RALGAPA2: variants seen among roughly 807,000 people sequenced by gnomAD.
RALGAPA2 encodes the protein Ral GTPase activating protein catalytic subunit alpha 2.
Under a neutral mutation model 230.4 loss-of-function variants are expected in RALGAPA2, and 139 were observed. The observed-to-expected ratio is 0.60, with a 90% CI of 0.53 to 0.69. The LOEUF (loss-of-function observed/expected upper bound fraction) is 0.69. Ranked by LOEUF, RALGAPA2 falls within the 30% of genes least tolerant of loss-of-function variation. The pLI is 0.00. For synonymous variants in RALGAPA2, 847 were observed against 837.8 expected (o/e 1.01, Z -0.19); for missense variants, 2,163 against 2,276.0 (o/e 0.95, Z 1.01).
chr20:20,400,778 G>A (rs2059816356), intron 38 of RALGAPA2, among the ~76,000 whole-genome samples: 1 of 152,198 alleles, frequency 6.6e-6, no homozygotes, highest in Non-Finnish European at 1.5e-5. Context: ...AGTGGAAACA[G>A]CCCGAATGTC....
At chr20:20,458,283 A>C (rs533905542) in intron 37 of RALGAPA2, among the ~76,000 whole-genome samples, 3 of 151,780 alleles carry the variant, frequency 2.0e-5, no homozygotes, top group African/African-American at 7.3e-5. Flanking sequence ...TTCAGAAAGC[A>C]CTCATATCTC....
intron 14 of RALGAPA2, among the ~76,000 whole-genome samples, chr20:20,605,694 C>T (rs887017890): frequency 3.3e-5 from 5 of 152,122 alleles, no homozygotes; most frequent in African/African-American, 9.7e-5. Context: ...CAAAGCCCTC[C>T]GCACAGTGAC....
chr20:20,436,890 C>T (rs192140130), intron 37 of RALGAPA2, among the ~76,000 whole-genome samples: 6 of 152,248 alleles, frequency 3.9e-5, no homozygotes, highest in Non-Finnish European at 7.4e-5. Context: ...CTGCCACGGG[C>T]GGGCGGCCAG....
At chr20:20,506,415 G>C (rs778230959) in intron 33 of RALGAPA2, among the ~76,000 whole-genome samples, 7 of 152,104 alleles carry the variant, frequency 4.6e-5, no homozygotes, top group Non-Finnish European at 5.9e-5. Flanking sequence ...TTATACCCTG[G>C]AGTAAAGCGA....
At chr20:20,602,693 TTAAA>T (rs1415409058) in intron 15 of RALGAPA2, among the ~76,000 whole-genome samples, 4 of 152,242 alleles carry the variant, frequency 2.6e-5, no homozygotes, top group African/African-American at 9.6e-5. Flanking sequence ...TGGTCACTAA[TTAAA>T]TAATGTGTTC....
At chr20:20,427,532 G>A (rs1374632869) in intron 37 of RALGAPA2, among the ~76,000 whole-genome samples, 1 of 152,042 alleles carries the variant, frequency 6.6e-6, no homozygotes, top group Non-Finnish European at 1.5e-5. Context: ...AGGGGCTGCT[G>A]TCTTCCTGCC....
chr20:20,474,941 C>T (rs546786704), intron 36 of RALGAPA2, among the ~76,000 whole-genome samples: 6 of 152,232 alleles, frequency 3.9e-5, no homozygotes, highest in African/African-American at 1.4e-4. Context: ...TGACTATATC[C>T]TCTGGCCTTC....
chr20:20,634,140 A>G (rs974104545), intron 9 of RALGAPA2, among the ~76,000 whole-genome samples: 1 of 147,984 alleles, frequency 6.8e-6, no homozygotes, highest in African/African-American at 2.5e-5. Context: ...TTTGAGGCAC[A>G]CCTTTTTATT....
chr20:20,645,542 T>G (rs2067185554), intron 4 of RALGAPA2, among the ~76,000 whole-genome samples: 1 of 152,212 alleles, frequency 6.6e-6, no homozygotes, highest in African/African-American at 2.4e-5. Flanking sequence ...TGACCCATAT[T>G]GGTCAATGGT....
intron 13 of RALGAPA2, among the ~76,000 whole-genome samples, chr20:20,613,599 G>A (rs367682328): frequency 2.0e-5 from 3 of 152,192 alleles, no homozygotes; most frequent in East Asian, 3.9e-4. Flanking sequence ...ACCTGGCCCC[G>A]GCCTGCCCCC....
At chr20:20,692,485 G>A (rs1388576122) in intron 1 of RALGAPA2, among the ~76,000 whole-genome samples, 2 of 152,042 alleles carry the variant, frequency 1.3e-5, no homozygotes, top group Non-Finnish European at 2.9e-5. Flanking sequence ...ATTTGCTCAG[G>A]GATCTCCTCC....
intron 26 of RALGAPA2, among the ~76,000 whole-genome samples, chr20:20,534,145 A>G (rs1460205176): frequency 6.6e-6 from 1 of 152,156 alleles, no homozygotes; most frequent in Non-Finnish European, 1.5e-5. Flanking sequence ...AGTGAAAGAG[A>G]TAAAAGATAA....
intron 23 of RALGAPA2, among the ~76,000 whole-genome samples, chr20:20,552,943 AAAAACAAAACAAAAC>A (rs371187764): frequency 1.2e-4 from 18 of 152,102 alleles, no homozygotes; most frequent in African/African-American, 3.6e-4. Flanking sequence ...ACGGCCCTTT[AAAAACAAAACAAAAC>A]AAAACAAAAC....
intron 37 of RALGAPA2, among the ~76,000 whole-genome samples, chr20:20,416,127 C>T (rs2060160016): frequency 6.6e-6 from 1 of 152,178 alleles, no homozygotes; most frequent in Non-Finnish European, 1.5e-5. Context: ...CGCCTGTTCT[C>T]AGGACGGCTG....
intron 10 of RALGAPA2, among the ~76,000 whole-genome samples, chr20:20,622,635 C>A (rs1407247892): frequency 6.6e-6 from 1 of 152,034 alleles, no homozygotes; most frequent in Non-Finnish European, 1.5e-5. Context: ...AAAATACAGA[C>A]ATTTTCAGAT....
chr20:20,538,335 T>C (rs553956668), intron 24 of RALGAPA2, among the ~76,000 whole-genome samples: 1 of 151,406 alleles, frequency 6.6e-6, no homozygotes, highest in Non-Finnish European at 1.5e-5. Context: ...CAGAGGAGAG[T>C]AGAAATCAGG....
Position 20,512,569 on chromosome 20 carries a change from G to A in RALGAPA2, c.4800C>T (p.Pro1600=), listed in dbSNP as rs1397555567. The change falls in exon 32 of 40, where the codon CCC becomes CCT. Residue 1600 remains proline, a synonymous_variant. Coordinates refer to ENST00000202677, the MANE Select transcript of RALGAPA2 (RefSeq NM_020343.4). ...CAAGCAATAACCTGCAGAAATAAAA[G>A]GGTCCTCGGGGCTCCACTGGGGAGG... ...GQPSPVEPRG[P]FYFCRLLLDD... is the part of the protein sequence containing the mutation. 1.2e-6 allele frequency: 2 copies of A among 1,612,790 alleles called. No homozygotes were observed. Among genetic ancestry groups the A allele is most frequent in the Non-Finnish European group, 1.7e-6 (2 of 1,179,574 alleles).
chr20:20,463,751 T>C (rs1386907429), intron 37 of RALGAPA2, among the ~76,000 whole-genome samples: 1 of 152,230 alleles, frequency 6.6e-6, no homozygotes, highest in Non-Finnish European at 1.5e-5. Context: ...TAAAGAAATA[T>C]TGTCATTTAT....
Position 20,505,440 on chromosome 20 carries a change from C to G in RALGAPA2, c.5023G>C (p.Glu1675Gln). 6.2e-7 allele frequency: 1 copy of G among 1,601,554 alleles called. No individual in the cohort carries two copies. Among genetic ancestry groups the G allele is most frequent in the Non-Finnish European group, 8.5e-7 (1 of 1,173,354 alleles). Residue 1675 changes from glutamate (E) to glutamine (Q), a missense_variant, in exon 34 of 40, where the codon GAA becomes CAA. Physicochemically the swap from Glu to Gln is conservative, Grantham distance 29 (BLOSUM62 2). Transcript: ENST00000202677. ...LSNERGSQAY[E>Q]DFVAGLGWEV... is the part of the protein sequence containing the mutation. Reference sequence around the variant, plus strand: ...CATCCAAGTCCAGCAACAAAGTCTTCATATGCTTGGCTTCCTCTTTCATTA... The same window carrying G: ...CATCCAAGTCCAGCAACAAAGTCTTGATATGCTTGGCTTCCTCTTTCATTA...
Sources: allele counts gnomAD v4.1 joint callset (sites outside exome capture counted in the v4.1 genomes callset), GRCh38; gene constraint gnomAD v4.1.1; transcripts MANE v1.5; gene names NCBI Gene and HGNC (gene_info 2026-07-23, HGNC 2026-07-21).